Variants in GRIN2A observed in about 807,000 individuals in gnomAD.
GRIN2A encodes glutamate ionotropic receptor NMDA type subunit 2A.
GRIN2A carries 22 observed loss-of-function variants against 113.4 expected under a neutral mutation model. The ratio of observed to expected loss-of-function variants is 0.19; its 90% CI spans 0.14 to 0.28. The LOEUF (loss-of-function observed/expected upper bound fraction) is 0.28, where lower values mean the gene tolerates loss of function less well. Among genes scored for constraint, GRIN2A ranks in the 10% least tolerant of loss-of-function variants. GRIN2A has a pLI of 1.00. For missense variants in GRIN2A, 1,502 were observed against 1,887.0 expected (o/e 0.80, Z 3.78); for synonymous variants, 827 against 738.4 (o/e 1.12, Z -1.94).
chr16:10,029,475 T>A lies in GRIN2A; in HGVS notation c.415-90924A>T, dbSNP rs558314005. On this transcript the variant is annotated intron_variant, in intron 2 of 12. Coordinates refer to ENST00000330684, the MANE Select transcript of GRIN2A (RefSeq NM_001134407.3). ...TCCCGAAGTGCTGGGATTAGAGGCGTAAAGGCTGCAGTCACGTAGACTCAA... is the reference window on the plus strand; with the variant it reads ...TCCCGAAGTGCTGGGATTAGAGGCGAAAAGGCTGCAGTCACGTAGACTCAA... 7.2e-5 allele frequency among the ~76,000 whole-genome samples: 11 copies of A among 152,068 alleles called. No individual in the cohort carries two copies. The East Asian group carries it at 2.1e-3, about 29-fold the overall frequency.
chr16:9,914,369 A>T (rs956493640), intron 3 of GRIN2A, among the ~76,000 whole-genome samples: 1 of 152,226 alleles, frequency 6.6e-6, no homozygotes, highest in Non-Finnish European at 1.5e-5. Flanking sequence ...GCAAAGGGAC[A>T]GCCTGCCACC....
intron 2 of GRIN2A, among the ~76,000 whole-genome samples, chr16:10,131,221 G>C (rs931994016): frequency 2.0e-4 from 31 of 152,272 alleles, no homozygotes; most frequent in African/African-American, 7.5e-4. Flanking sequence ...GAGGCTAGTG[G>C]AGAACAGGTT....
intron 2 of GRIN2A, among the ~76,000 whole-genome samples, chr16:10,090,677 A>C (rs2048169027): frequency 6.6e-6 from 1 of 152,210 alleles, no homozygotes. Flanking sequence ...GACATAAATG[A>C]AAAAATAGGC....
At chr16:10,030,527 G>A (rs1038300534) in intron 2 of GRIN2A, among the ~76,000 whole-genome samples, 1 of 152,156 alleles carries the variant, frequency 6.6e-6, no homozygotes, top group African/African-American at 2.4e-5. Flanking sequence ...GATGCTACCT[G>A]AAAACCCACA....
chr16:10,045,802 A>AT lies in GRIN2A; in HGVS notation c.415-107252dup, dbSNP rs541583229. Among the ~76,000 whole-genome samples the AT allele has an allele frequency of 2.4e-3, 365 of 152,274 alleles. 1 individual carries two copies. The highest frequency in any genetic ancestry group is 4.1e-3 in the Non-Finnish European group (281 of 68,012). On this transcript the variant is annotated intron_variant, in intron 2 of 12. Coordinates refer to ENST00000330684, the MANE Select transcript of GRIN2A (RefSeq NM_001134407.3). Reference sequence around the variant, plus strand: ...CCTTTTCCAAGCTGATGGAGTCCTCATTTTGTTCAAGTGCTTACTTGCCTA... The same window carrying AT: ...CCTTTTCCAAGCTGATGGAGTCCTCATTTTTGTTCAAGTGCTTACTTGCCTA...
intron 2 of GRIN2A, among the ~76,000 whole-genome samples, chr16:9,950,771 C>G (rs2045160555): frequency 6.6e-6 from 1 of 152,204 alleles, no homozygotes; most frequent in Non-Finnish European, 1.5e-5. Flanking sequence ...CCTTGAGAAA[C>G]TGGCTCAACC....
At chr16:10,003,221 C>G (rs1030446064) in intron 2 of GRIN2A, among the ~76,000 whole-genome samples, 1 of 152,092 alleles carries the variant, frequency 6.6e-6, no homozygotes, top group Non-Finnish European at 1.5e-5. Flanking sequence ...AGATGAAGAG[C>G]AGAAACAGAA....
intron 2 of GRIN2A, among the ~76,000 whole-genome samples, chr16:10,068,073 T>C (rs943226425): frequency 1.3e-5 from 2 of 152,262 alleles, no homozygotes; most frequent in African/African-American, 4.8e-5. Flanking sequence ...GCAATGCACA[T>C]AGCAGCTGTT....
chr16:10,117,495 T>G (rs1284606629), intron 2 of GRIN2A, among the ~76,000 whole-genome samples: 1 of 145,368 alleles, frequency 6.9e-6, no homozygotes, highest in Non-Finnish European at 1.5e-5. Flanking sequence ...TTTTCATGCA[T>G]TTTGGAAAAT....
chr16:9,906,186 T>A (rs1173621651), intron 3 of GRIN2A, among the ~76,000 whole-genome samples: 1 of 152,208 alleles, frequency 6.6e-6, no homozygotes, highest in East Asian at 1.9e-4. Flanking sequence ...TCTGATCATG[T>A]GCCACCCTTC....
At chr16:9,780,856 C>T (rs955140135) in intron 11 of GRIN2A, among the ~76,000 whole-genome samples, 5 of 152,012 alleles carry the variant, frequency 3.3e-5, no homozygotes, top group African/African-American at 7.3e-5. Context: ...CTTTTTTAAG[C>T]GTGATATTTC....
chr16:10,091,061 T>C (rs1177650378), intron 2 of GRIN2A, among the ~76,000 whole-genome samples: 1 of 152,222 alleles, frequency 6.6e-6, no homozygotes, highest in Non-Finnish European at 1.5e-5. Context: ...TGGCAAGGAT[T>C]CACAGAAACT....
intron 3 of GRIN2A, among the ~76,000 whole-genome samples, chr16:9,931,652 T>C (rs28491376): frequency 0.012 from 1,868 of 152,216 alleles, 42 homozygotes; most frequent in African/African-American, 0.043. Flanking sequence ...CTGAAAAACA[T>C]CCACCCTCTC....
At chr16:10,157,576 C>G (rs1374168810) in intron 2 of GRIN2A, among the ~76,000 whole-genome samples, 1 of 152,162 alleles carries the variant, frequency 6.6e-6, no homozygotes, top group Non-Finnish European at 1.5e-5. Flanking sequence ...GAAGGGGAAG[C>G]AAATACCTTC....
chr16:9,923,860 C>T (rs2044402612), intron 3 of GRIN2A, among the ~76,000 whole-genome samples: 1 of 152,032 alleles, frequency 6.6e-6, no homozygotes, highest in African/African-American at 2.4e-5. Flanking sequence ...GGCATGGTGG[C>T]TCACGTCTGT....
intron 4 of GRIN2A, among the ~76,000 whole-genome samples, chr16:9,869,737 T>C (rs2043222862): frequency 6.6e-6 from 1 of 152,236 alleles, no homozygotes; most frequent in South Asian, 2.1e-4. Context: ...GCAAGGCACT[T>C]ATTGAACTAT....
chr16:9,956,909 G>A (rs2045323907), intron 2 of GRIN2A, among the ~76,000 whole-genome samples: 1 of 152,120 alleles, frequency 6.6e-6, no homozygotes, highest in Non-Finnish European at 1.5e-5. Context: ...CTTTAAGATA[G>A]CCATTGGGGT....
At chr16:10,074,917 A>G (rs1470424624) in intron 2 of GRIN2A, among the ~76,000 whole-genome samples, 1 of 152,236 alleles carries the variant, frequency 6.6e-6, no homozygotes, top group Non-Finnish European at 1.5e-5. Context: ...AAGACTAGGT[A>G]TCACTTATTG....
chr16:9,797,449 A>T (rs1903068663), intron 11 of GRIN2A, among the ~76,000 whole-genome samples: 1 of 152,242 alleles, frequency 6.6e-6, no homozygotes, highest in Non-Finnish European at 1.5e-5. Flanking sequence ...TAGAAAGGGC[A>T]GACAGGAGGA....
Sources: gnomAD v4.1 joint callset for allele counts (sites outside exome capture counted in the v4.1 genomes callset) on GRCh38, gnomAD v4.1.1 for gene constraint, MANE v1.5 for transcripts, NCBI Gene and HGNC (gene_info 2026-07-23, HGNC 2026-07-21) for gene names.